ENPEP: variants seen among roughly 807,000 people sequenced by gnomAD.
The protein encoded by ENPEP is glutamyl aminopeptidase.
Under a neutral mutation model 114.5 loss-of-function variants are expected in ENPEP, and 103 were observed. The observed-to-expected ratio is 0.90, with a 90% confidence interval of 0.77 to 1.06. ENPEP has a LOEUF of 1.06. Among genes scored for constraint, ENPEP ranks in the 50% least tolerant of loss-of-function variants. The probability of loss-of-function intolerance (pLI) is 0.00; values close to 1 mark genes in which losing one functional copy is unlikely to be tolerated. For synonymous variants in ENPEP, 420 were observed against 422.0 expected (o/e 1.00, Z 0.06); for missense variants, 1,196 against 1,161.3 (o/e 1.03, Z -0.43).
chr4:110,555,878 AAAT>A (rs1269511958), intron 18 of ENPEP, among the ~76,000 whole-genome samples: 15 of 152,054 alleles, frequency 9.9e-5, no homozygotes, highest in African/African-American at 3.4e-4. Context: ...TAGTTTTTAA[AAAT>A]AACCAATATG....
At chr4:110,511,492 A>G (rs1015262976) in intron 6 of ENPEP, among the ~76,000 whole-genome samples, 2 of 152,228 alleles carry the variant, frequency 1.3e-5, no homozygotes, top group African/African-American at 4.8e-5. Context: ...ATCTACATGG[A>G]AAATTGCTGA....
chr4:110,498,643 C>T lies in ENPEP; in HGVS notation c.918+7479C>T, dbSNP rs140513550. On this transcript the variant is annotated intron_variant, in intron 3 of 19. Coordinates refer to ENST00000265162, the MANE Select transcript of ENPEP (RefSeq NM_001977.4). ...ATAAGGATGTGGATCCAGGGCACAGCGGGGCTGCGGCACTTTCCAGGTGGA... is the reference window on the plus strand; with the variant it reads ...ATAAGGATGTGGATCCAGGGCACAGTGGGGCTGCGGCACTTTCCAGGTGGA... 3.5e-3 allele frequency among the ~76,000 whole-genome samples: 537 copies of T among 152,262 alleles called. 19 individuals are homozygous for T. In the South Asian group the frequency reaches 0.046, roughly 13 times the overall value.
In ENPEP at chr4:110,525,989, A is replaced by G. The variant is rs1578408199; in HGVS notation, c.1728-5209A>G. On this transcript the variant is annotated intron_variant, in intron 10 of 19. Coordinates refer to ENST00000265162, the MANE Select transcript of ENPEP (RefSeq NM_001977.4). ...ACTTCTCTGGATGTTCAAAATAGAA[A>G]CTATGGCCGGGCGTGGTGGTTCATG... is the stretch of plus-strand genomic sequence containing the variant. Among the ~76,000 whole-genome samples, 5 of 152,088 alleles carry G rather than the reference A, an allele frequency of 3.3e-5. No individual in the cohort carries two copies. The East Asian group carries it at 9.7e-4, about 29-fold the overall frequency.
intron 18 of ENPEP, among the ~76,000 whole-genome samples, chr4:110,557,624 A>T (rs1165351011): frequency 1.3e-5 from 2 of 152,352 alleles, no homozygotes; most frequent in East Asian, 3.9e-4. Flanking sequence ...GGACAGTTCC[A>T]GAGGGCTAGG....
chr4:110,476,997 T>G lies in ENPEP; in HGVS notation c.583T>G (p.Trp195Gly). 6.2e-7 allele frequency: 1 copy of G among 1,614,190 alleles called. No individual in the cohort carries two copies. The highest frequency in any genetic ancestry group is 8.5e-7 in the Non-Finnish European group (1 of 1,180,042). The part of the protein sequence containing the change: ...LYLLTMEFAG[W>G]LNGSLVGFYR... ...TCTCCTGACCATGGAGTTCGCCGGCTGGCTGAACGGCTCCCTCGTGGGATT... is the reference window on the plus strand; with the variant it reads ...TCTCCTGACCATGGAGTTCGCCGGCGGGCTGAACGGCTCCCTCGTGGGATT... The change falls in exon 1 of 20, where the codon TGG becomes GGG. Residue 195 changes from tryptophan (W) to glycine (G), a missense_variant. Transcript: ENST00000265162.
intron 10 of ENPEP, among the ~76,000 whole-genome samples, chr4:110,522,068 G>A (rs775939794): frequency 6.6e-6 from 1 of 151,956 alleles, no homozygotes; most frequent in African/African-American, 2.4e-5. Context: ...TAGTGAAGGC[G>A]GAGTTTCACC....
At chr4:110,521,470 G>T (rs900463347) in intron 10 of ENPEP, among the ~76,000 whole-genome samples, 1 of 151,736 alleles carries the variant, frequency 6.6e-6, no homozygotes, top group Non-Finnish European at 1.5e-5. Context: ...GAGAGTACAC[G>T]CCAGCTACTA....
intron 3 of ENPEP, among the ~76,000 whole-genome samples, chr4:110,491,676 T>TAA (rs1724728143): frequency 6.6e-6 from 1 of 151,708 alleles, no homozygotes; most frequent in African/African-American, 2.4e-5. Context: ...TAAGCTTTTT[T>TAA]TAAAAATATC....
chr4:110,486,216 A>T (rs1232660742), intron 1 of ENPEP, among the ~76,000 whole-genome samples: 1 of 152,172 alleles, frequency 6.6e-6, no homozygotes, highest in Non-Finnish European at 1.5e-5. Flanking sequence ...AATTTGTTCA[A>T]TGAGTTATTA....
At chr4:110,480,615 C>T (rs1724278819) in intron 1 of ENPEP, among the ~76,000 whole-genome samples, 2 of 152,170 alleles carry the variant, frequency 1.3e-5, no homozygotes, top group African/African-American at 4.8e-5. Flanking sequence ...GCAAACTAAA[C>T]AGGATTGCAC....
intron 10 of ENPEP, among the ~76,000 whole-genome samples, chr4:110,521,551 A>G (rs1364774699): frequency 2.0e-5 from 3 of 152,126 alleles, no homozygotes; most frequent in Admixed American, 2.0e-4. Flanking sequence ...TTGGAAGGAT[A>G]AAAGGTTAAA....
chr4:110,512,860 G>C (rs1483101601), intron 6 of ENPEP: 1 of 152,262 alleles, frequency 6.6e-6, no homozygotes, highest in Non-Finnish European at 1.5e-5. Flanking sequence ...AAATCTGACA[G>C]TACTGCTAGG....
intron 1 of ENPEP, among the ~76,000 whole-genome samples, chr4:110,480,738 AG>A (rs1724282963): frequency 6.6e-6 from 1 of 152,212 alleles, no homozygotes; most frequent in Non-Finnish European, 1.5e-5. Flanking sequence ...TGGGGAAGAA[AG>A]GGGACAAAAT....
intron 3 of ENPEP, among the ~76,000 whole-genome samples, chr4:110,501,067 C>T (rs6830299): frequency 1 from 152,094 of 152,254 alleles, 75,967 homozygotes; most frequent in Middle Eastern, 1. Flanking sequence ...GAGCTTTAAA[C>T]GACAGAAAAT....
In ENPEP at chr4:110,520,323, T is replaced by C. The variant is rs769343400; in HGVS notation, c.1684T>C (p.Leu562=). 2.5e-6 allele frequency: 4 copies of C among 1,614,092 alleles called. No individual in the cohort carries two copies. Among genetic ancestry groups the C allele is most frequent in the Non-Finnish European group, 3.4e-6 (4 of 1,179,968 alleles). The change falls in exon 10 of 20, where the codon TTG becomes CTG. Residue 562 remains leucine (L), a synonymous_variant. Transcript: ENST00000265162. ...VKNITQKRFL[L]DPRANPSQPP... ...GAACATCACACAGAAACGCTTTTTG[T>C]TGGACCCAAGAGCTAACCCTTCTCA...
rs1478278890 is a variant in ENPEP, at chr4:110,565,283, A to AC, written c.*3726dup. 2 of 152,226 alleles carry AC rather than the reference A, an allele frequency of 1.3e-5. No homozygotes were observed. Among genetic ancestry groups the AC allele is most frequent in the East Asian group, 3.8e-4 (2 of 5,200 alleles). The allele number at this position is 152,226 out of a possible 1,614,324, so 9.4% of individuals were successfully genotyped here. On this transcript the variant is annotated 3_prime_UTR_variant, in exon 20 of 20. Coordinates refer to ENST00000265162, the MANE Select transcript of ENPEP (RefSeq NM_001977.4). The stretch of plus-strand genomic sequence containing the variant: ...TCCTTAAATAAAGTTTTATTGGAAC[A>AC]CAGCACATACATTCATTTATGTATG...
intron 4 of ENPEP, among the ~76,000 whole-genome samples, chr4:110,507,097 G>A (rs998378576): frequency 4.6e-5 from 7 of 152,150 alleles, no homozygotes; most frequent in Non-Finnish European, 8.8e-5. Context: ...TTTCAAAATC[G>A]GCATTCATCC....
chr4:110,492,519 G>A (rs1272382764), intron 3 of ENPEP, among the ~76,000 whole-genome samples: 2 of 152,158 alleles, frequency 1.3e-5, no homozygotes, highest in East Asian at 1.9e-4. Flanking sequence ...TGCCTATACC[G>A]TATACAAATT....
At chr4:110,552,498 A>C (rs1441296932) in intron 17 of ENPEP, among the ~76,000 whole-genome samples, 3 of 152,168 alleles carry the variant, frequency 2.0e-5, no homozygotes, top group Non-Finnish European at 4.4e-5. Flanking sequence ...TTATTATCTC[A>C]ATATCTTCCT....
Sources: allele counts gnomAD v4.1 joint callset (sites outside exome capture counted in the v4.1 genomes callset), GRCh38; gene constraint gnomAD v4.1.1; transcripts MANE v1.5; gene names NCBI Gene and HGNC (gene_info 2026-07-23, HGNC 2026-07-21).